CACNA1C: variants seen among roughly 807,000 people sequenced by gnomAD.
The protein encoded by CACNA1C is voltage-dependent L-type calcium channel subunit alpha-1C.
Under a neutral mutation model 229.0 loss-of-function variants are expected in CACNA1C, and 30 were observed. The observed-to-expected ratio is 0.13, with a 90% CI of 0.10 to 0.18. The LOEUF is 0.18. CACNA1C is among the 10% of genes least tolerant of loss of function. The pLI, the probability that CACNA1C is intolerant of heterozygous loss-of-function variation, is 1.00. For synonymous variants in CACNA1C, 1,114 were observed against 1,132.5 expected, an observed-to-expected ratio of 0.98 and a Z score of 0.33; for missense variants, 1,658 against 2,845.0, an observed-to-expected ratio of 0.58 and a Z score of 9.49.
chr12:2,549,943 T>C lies in CACNA1C; in HGVS notation c.1391T>C (p.Met464Thr). Residue 464 changes from methionine to threonine, a missense_variant and splice_region_variant, in exon 10 of 47, where the codon ATG (methionine) becomes ACG (threonine). Transcript: ENST00000399655. ...CTCTGCTTCCCTTTGACTCTTGCAG[T>C]GAGCATGCCCACCAGTGAGACCGAG... ...EGMDEEKPRNMSMPTSETESV... is the reference protein window; with the variant it reads ...EGMDEEKPRNTSMPTSETESV... 6.3e-7 allele frequency: 1 copy of C among 1,598,324 alleles called. No homozygotes were observed. The highest frequency in any genetic ancestry group is 1.1e-5 in the South Asian group (1 of 88,040).
At chr12:2,619,812 G>A (rs769481731) in intron 29 of CACNA1C, among the ~76,000 whole-genome samples, 3 of 152,222 alleles carry the variant, frequency 2.0e-5, no homozygotes, top group Non-Finnish European at 2.9e-5. Context: ...AGCAGCTCAC[G>A]TGCTAGGCGG....
At chr12:2,587,871 A>G (rs901914004) in intron 18 of CACNA1C, among the ~76,000 whole-genome samples, 1 of 151,962 alleles carries the variant, frequency 6.6e-6, no homozygotes, top group African/African-American at 2.4e-5. Context: ...CTGCCCCACC[A>G]CGTACACCAG....
chr12:2,467,899 C>T lies in CACNA1C; in HGVS notation c.757+10193C>T, dbSNP rs1216746563. On this transcript the variant is annotated intron_variant, in intron 5 of 46. Coordinates refer to ENST00000399655, the MANE Select transcript of CACNA1C (RefSeq NM_000719.7). The surrounding 1 kb of genome is among the most constrained non-coding windows in gnomAD (Gnocchi z 4.6). The stretch of plus-strand genomic sequence containing the variant: ...TGTTGCCCTGCCAGGTGCTTTGCCT[C>T]GGTTTCTCAATCTACAAAGAGTGAG... 1.3e-5 allele frequency among the ~76,000 whole-genome samples: 2 copies of T among 152,196 alleles called. No individual in the cohort carries two copies. The highest frequency in any genetic ancestry group is 2.1e-4 in the South Asian group (1 of 4,824).
rs1285319185 is a variant in CACNA1C, at chr12:2,678,883, C to T, written c.5092-561C>T. ...AAAGAATACTGGGGAAAAACATTGG[C>T]TCCTGGTTTTAAATCTCTCTGAGTC... On this transcript the variant is annotated intron_variant, in intron 41 of 46. Coordinates refer to ENST00000399655, the MANE Select transcript of CACNA1C (RefSeq NM_000719.7). This position sits in a 1 kb window ranked among gnomAD's most constrained non-coding sequence, Gnocchi z 4.1. 6.6e-6 allele frequency among the ~76,000 whole-genome samples: 1 copy of T among 152,234 alleles called. No homozygotes were observed. Among genetic ancestry groups the T allele is most frequent in the Non-Finnish European group, 1.5e-5 (1 of 68,042 alleles).
At chr12:2,024,453 T>G (rs1593917729) in intron 1 of CACNA1C, among the ~76,000 whole-genome samples, 1 of 152,192 alleles carries the variant, frequency 6.6e-6, no homozygotes. Flanking sequence ...CCCAGGCCCC[T>G]TCTGTGTTGT....
rs112847682 is a variant in CACNA1C at position 2,449,950 on chromosome 12, G to C, written c.617+835G>C. Among the ~76,000 whole-genome samples the C allele has an allele frequency of 2.4e-3, 368 of 152,254 alleles. 2 individuals carry two copies. The highest frequency in any genetic ancestry group is 8.5e-3 in the African/African-American group (354 of 41,548). On this transcript the variant is annotated intron_variant, in intron 4 of 46. Coordinates refer to ENST00000399655, the MANE Select transcript of CACNA1C (RefSeq NM_000719.7). ...CTTCCCCATTCTCACTCTACAGGGGGCCTGGTTCTGTGGCCCCAGAAAACC... is the reference window on the plus strand; with the variant it reads ...CTTCCCCATTCTCACTCTACAGGGGCCCTGGTTCTGTGGCCCCAGAAAACC...
intron 3 of CACNA1C, among the ~76,000 whole-genome samples, chr12:2,339,533 A>G (rs1370000271): frequency 3.3e-5 from 5 of 152,264 alleles, no homozygotes; most frequent in Non-Finnish European, 7.3e-5. Flanking sequence ...CTCTTATAAT[A>G]ACATGTAGCT....
At chr12:2,507,111 G>T (rs1160530588) in intron 8 of CACNA1C, among the ~76,000 whole-genome samples, 3 of 152,170 alleles carry the variant, frequency 2.0e-5, no homozygotes, top group Non-Finnish European at 2.9e-5. Context: ...GAACATTAAG[G>T]CTATCTGACC....
intron 19 of CACNA1C, among the ~76,000 whole-genome samples, chr12:2,594,798 G>T (rs2067269456): frequency 6.6e-6 from 1 of 152,180 alleles, no homozygotes; most frequent in Admixed American, 6.5e-5. Context: ...GAGTCCTGAA[G>T]ACCTAAAGTA....
In CACNA1C at chr12:2,128,648, T is replaced by A. The variant is rs141373989; in HGVS notation, c.477+8218T>A. On this transcript the variant is annotated intron_variant, in intron 3 of 46. Coordinates refer to ENST00000399655, the MANE Select transcript of CACNA1C (RefSeq NM_000719.7). ...GGATGGTCTCGATCTCCTGACCTCGTGATCTGCCCGCCTCGGCCTCCCAAA... is the reference window on the plus strand; with the variant it reads ...GGATGGTCTCGATCTCCTGACCTCGAGATCTGCCCGCCTCGGCCTCCCAAA... 5.9e-3 allele frequency among the ~76,000 whole-genome samples: 895 copies of A among 152,246 alleles called. 10 individuals are homozygous for A. The highest frequency in any genetic ancestry group is 0.021 in the African/African-American group (863 of 41,552).
rs2099767896 is a variant in CACNA1C, at chr12:2,504,738, C to T, written c.1114-104C>T. ...CTCTGATTTGCACCTAGAGGGTCCCCGGATCCTGGCGCTGCGTGGGTCAGT... is the reference window on the plus strand; with the variant it reads ...CTCTGATTTGCACCTAGAGGGTCCCTGGATCCTGGCGCTGCGTGGGTCAGT... On this transcript the variant is annotated intron_variant, in intron 7 of 46. Transcript: ENST00000399655. The surrounding 1 kb of genome is among the most constrained non-coding windows in gnomAD (Gnocchi z 6.8). 3 of 799,130 alleles carry T rather than the reference C, an allele frequency of 3.8e-6. No individual in the cohort carries two copies. The South Asian group carries it at 4.3e-5, about 12-fold the overall frequency. 49.5% of individuals were successfully genotyped at this position (799,130 alleles called of 1,614,324 possible).
chr12:2,263,340 A>T (rs2081102156), intron 3 of CACNA1C, among the ~76,000 whole-genome samples: 1 of 151,994 alleles, frequency 6.6e-6, no homozygotes, highest in Non-Finnish European at 1.5e-5. Context: ...AGGAGCAGGG[A>T]GGAGGCAGGT....
At chr12:2,149,149 T>G (rs910326791) in intron 3 of CACNA1C, among the ~76,000 whole-genome samples, 9 of 152,302 alleles carry the variant, frequency 5.9e-5, no homozygotes, top group African/African-American at 2.2e-4. Context: ...ATGAGTTTGC[T>G]TGATCTGAGA....
At chr12:2,559,666 A>G (rs759553139) in intron 11 of CACNA1C, among the ~76,000 whole-genome samples, 7 of 152,234 alleles carry the variant, frequency 4.6e-5, no homozygotes, top group Non-Finnish European at 8.8e-5. Flanking sequence ...TGAGAGGCCC[A>G]GGTCACAGGG....
chr12:2,514,003 A>G (rs745700707), intron 9 of CACNA1C, among the ~76,000 whole-genome samples: 2 of 152,154 alleles, frequency 1.3e-5, no homozygotes, highest in Non-Finnish European at 2.9e-5. Flanking sequence ...TTCACTATAC[A>G]TGTTTGAATA....
intron 3 of CACNA1C, among the ~76,000 whole-genome samples, chr12:2,198,417 C>T (rs1490802450): frequency 1.3e-5 from 2 of 152,110 alleles, no homozygotes; most frequent in Non-Finnish European, 2.9e-5. Context: ...TGTGTTCCTC[C>T]GGCATGAGGA....
intron 3 of CACNA1C, among the ~76,000 whole-genome samples, chr12:2,341,996 A>G (rs7313708): frequency 0.17 from 26,314 of 152,206 alleles, 3,222 homozygotes; most frequent in African/African-American, 0.34. Context: ...GCTTCGACCC[A>G]ACCTCACGGG....
At chr12:2,109,930 G>C (rs1012429128) in intron 1 of CACNA1C, among the ~76,000 whole-genome samples, 20 of 152,300 alleles carry the variant, frequency 1.3e-4, no homozygotes, top group African/African-American at 3.9e-4. Context: ...CTTCTACAGT[G>C]TCACTGTAGT....
At chr12:2,529,894 A>G (rs1415971995) in intron 9 of CACNA1C, among the ~76,000 whole-genome samples, 1 of 152,264 alleles carries the variant, frequency 6.6e-6, no homozygotes, top group Non-Finnish European at 1.5e-5. Flanking sequence ...AATACCAAGA[A>G]TAAATTCTGA....
Sources: allele counts gnomAD v4.1 joint callset (sites outside exome capture counted in the v4.1 genomes callset), GRCh38; gene constraint gnomAD v4.1.1; non-coding constraint Gnocchi (gnomAD v3.1); transcripts MANE v1.5; gene names NCBI Gene and HGNC (gene_info 2026-07-23, HGNC 2026-07-21).